Variants in ATP4A observed in about 807,000 individuals in gnomAD.
ATP4A encodes the protein ATPase H+/K+ transporting subunit alpha.
A neutral mutation model predicts 112.1 loss-of-function variants in ATP4A; 73 were observed. The observed-to-expected ratio is 0.65, with a 90% CI of 0.54 to 0.79. The LOEUF (loss-of-function observed/expected upper bound fraction) is 0.79, where lower values mean the gene tolerates loss of function less well. ATP4A is among the 30% of genes least tolerant of loss of function. ATP4A has a pLI of 0.00. For missense variants in ATP4A, 1,081 were observed against 1,425.9 expected (o/e 0.76, Z 3.90); for synonymous variants, 588 against 588.9 (o/e 1.00, Z 0.02).
rs2071641941 is a variant in ATP4A at position 35,557,958 on chromosome 19, G to T, written c.1501-111C>A. 1 of 883,020 alleles carries T rather than the reference G, an allele frequency of 1.1e-6. No individual in the cohort carries two copies. Among genetic ancestry groups the T allele is most frequent in the East Asian group, 2.8e-5 (1 of 35,974 alleles). 54.7% of individuals were successfully genotyped at this position (883,020 alleles called of 1,614,324 possible). A position where few individuals can be genotyped will look rare whatever the true frequency, so the allele number is the denominator to read the frequency against. On this transcript the variant is annotated intron_variant, in intron 10 of 21. Transcript: ENST00000262623. This position sits in a 1 kb window ranked among gnomAD's most constrained non-coding sequence, Gnocchi z 4.4. ...GGGCGGGGCCGAGAGCTCGGTGCGGGCTCTGAGAGCTGCGGGGAAGGGTGA... is the reference window on the plus strand; with the variant it reads ...GGGCGGGGCCGAGAGCTCGGTGCGGTCTCTGAGAGCTGCGGGGAAGGGTGA...
chr19:35,562,393 C>T (rs572433763), intron 4 of ATP4A, 42 bp downstream of exon 4: 14 of 1,590,414 alleles, frequency 8.8e-6, no homozygotes, highest in South Asian at 3.4e-5. Flanking sequence ...CTTCCATCCC[C>T]AGGTCCCCAT....
chr19:35,561,938 A>T (rs1033059988), intron 4 of ATP4A, among the ~76,000 whole-genome samples: 1 of 144,580 alleles, frequency 6.9e-6, no homozygotes, highest in Admixed American at 7.2e-5. Flanking sequence ...TCACTGCAAC[A>T]TCCACCTCCT....
At chr19:35,552,741 T>C (rs1692196691) in intron 18 of ATP4A, among the ~76,000 whole-genome samples, 1 of 152,134 alleles carries the variant, frequency 6.6e-6, no homozygotes, top group South Asian at 2.1e-4. Flanking sequence ...GCAAATACCC[T>C]GTGGGAGTGA....
rs1464974107 is a variant in ATP4A at position 35,557,619 on chromosome 19, G to A, written c.1693+36C>T. ...GCAGGGTCTGTGCTAGCTCCTCCTC[G>A]CACCTGGAGTCTCCTCCCCTGCCCA... is the stretch of plus-strand genomic sequence containing the variant. On this transcript the variant is annotated intron_variant, in intron 11 of 21. Transcript: ENST00000262623. This position sits in a 1 kb window ranked among gnomAD's most constrained non-coding sequence, Gnocchi z 4.4. The A allele has an allele frequency of 1.3e-6, 2 of 1,571,018 alleles. No homozygotes were observed. Among genetic ancestry groups the A allele is most frequent in the Admixed American group, 3.6e-5 (2 of 55,222 alleles).
chr19:35,560,539 A>C lies in ATP4A; in HGVS notation c.611T>G (p.Met204Arg). The change falls in exon 6 of 22, where the codon ATG (methionine) becomes AGG (arginine). Residue 204 changes from methionine (M) to arginine (R), a missense_variant. Physicochemically the swap from Met to Arg is moderately conservative, Grantham distance 91. Transcript: ENST00000262623. This position sits in a 1 kb window ranked among gnomAD's most constrained non-coding sequence, Gnocchi z 5.1. ...GGCGGGCACTCTGTCCCCACCTTTC[A>C]TCTCCACCAGGTCGCCCACCACCAG... ...DQLVVGDLVE[M>R]KGGDRVPADI... 1 of 1,613,046 alleles carries C rather than the reference A, an allele frequency of 6.2e-7. No individual in the cohort carries two copies. The highest frequency in any genetic ancestry group is 8.5e-7 in the Non-Finnish European group (1 of 1,179,922).
In ATP4A at chr19:35,560,846, G is replaced by A. The variant is rs1029164457; in HGVS notation, c.507C>T (p.Ile169=). The part of the protein sequence containing the change: ...YYQEFKSTNI[I]ASFKNLVPQQ... Reference sequence around the variant, plus strand: ...GTGGCACAAGGTTCTTAAAGCTGGCGATGATGTTGGTGCTCTTGAATTCCT... The same window carrying A: ...GTGGCACAAGGTTCTTAAAGCTGGCAATGATGTTGGTGCTCTTGAATTCCT... Residue 169 remains isoleucine (I), a synonymous_variant, in exon 5 of 22, where the codon ATC becomes ATT. Transcript: ENST00000262623. This position sits in a 1 kb window ranked among gnomAD's most constrained non-coding sequence, Gnocchi z 5.1. 4.3e-6 allele frequency: 7 copies of A among 1,613,930 alleles called. No individual in the cohort carries two copies. The highest frequency in any genetic ancestry group is 3.3e-5 in the Admixed American group (2 of 60,000).
Position 35,559,061 on chromosome 19 carries a change from C to G in ATP4A, c.1187G>C (p.Arg396Pro), listed in dbSNP as rs369356784. The G allele has an allele frequency of 6.2e-7, 1 of 1,614,206 alleles. No homozygotes were observed. Among genetic ancestry groups the G allele is most frequent in the Non-Finnish European group, 8.5e-7 (1 of 1,180,048 alleles). ...AAACCACAGATGGGACACAGTCATG[C>G]GGTTCTGAGTGAGAGTCCCTGTCTT... is the stretch of plus-strand genomic sequence containing the variant. Reference protein sequence around the residue: ...SDKTGTLTQNRMTVSHLWFDN... With the variant: ...SDKTGTLTQNPMTVSHLWFDN... The change falls in exon 8 of 22, where the codon CGC becomes CCC. Residue 396 changes from arginine (R) to proline (P), a missense_variant. Arg to Pro is a moderately radical substitution (Grantham distance 103). This residue lies in a region of ATP4A where 850 missense variants were observed against 1,068.2 expected (regional missense o/e 0.80). Coordinates refer to ENST00000262623, the MANE Select transcript of ATP4A (RefSeq NM_000704.3). The surrounding 1 kb of genome is among the most constrained non-coding windows in gnomAD (Gnocchi z 4.1).
rs373157021 is a variant in ATP4A at position 35,558,943 on chromosome 19, C to T, written c.1255+50G>A. 6 of 1,604,792 alleles carry T rather than the reference C, an allele frequency of 3.7e-6. No individual in the cohort carries two copies. Among genetic ancestry groups the T allele is most frequent in the African/African-American group, 2.7e-5 (2 of 74,794 alleles). On this transcript the variant is annotated intron_variant, in intron 8 of 21. Transcript: ENST00000262623. This position sits in a 1 kb window ranked among gnomAD's most constrained non-coding sequence, Gnocchi z 5.1. ...ACCTCCCTATCCCTCTTCAGGTCTCCACCATCCACCAGATCCTGCCCTGGC... is the reference window on the plus strand; with the variant it reads ...ACCTCCCTATCCCTCTTCAGGTCTCTACCATCCACCAGATCCTGCCCTGGC...
chr19:35,553,567 C>A, intron 17 of ATP4A, 139 bp downstream of exon 17: 1 of 1,278,164 alleles, frequency 7.8e-7, no homozygotes, highest in Non-Finnish European at 1.1e-6. Context: ...GAGAGGGACA[C>A]GGAGGACAAC....
Position 35,551,527 on chromosome 19 carries a change from G to A in ATP4A, c.2805C>T (p.Ile935=), listed in dbSNP as rs776219773. The A allele has an allele frequency of 4.3e-6, 7 of 1,613,938 alleles. No homozygotes were observed. In the Admixed American group the frequency reaches 1.2e-4, roughly 27 times the overall value. Residue 935 remains isoleucine, a synonymous_variant, in exon 19 of 22, where the codon ATC becomes ATT. Transcript: ENST00000262623. This position sits in a 1 kb window ranked among gnomAD's most constrained non-coding sequence, Gnocchi z 5.2. The part of the protein sequence containing the change: ...QQYTCYTVFF[I]SIEVCQIADV... ...CGGCGATCTGGCACACCTCAATGCT[G>A]ATGAAGAACACGGTGTAGCAGGTGT...
In ATP4A at chr19:35,559,193, T is replaced by C; in HGVS notation, c.1057-2A>G. 1 of 1,613,694 alleles carries C rather than the reference T, an allele frequency of 6.2e-7. No homozygotes were observed. The highest frequency in any genetic ancestry group is 1.3e-5 in the African/African-American group (1 of 75,056). On this transcript the variant is annotated splice_acceptor_variant, in intron 7 of 21. Transcript: ENST00000262623. LOFTEE classifies it high-confidence loss of function. The surrounding 1 kb of genome is among the most constrained non-coding windows in gnomAD (Gnocchi z 4.1). ...CTTGGCTGTCAGGGACAGGCAGACCTGGGGAAGGGGTGAGCACCGCAGGCT... is the reference window on the plus strand; with the variant it reads ...CTTGGCTGTCAGGGACAGGCAGACCCGGGGAAGGGGTGAGCACCGCAGGCT...
Position 35,560,322 on chromosome 19 carries a change from AG to A in ATP4A, c.787+40del. 6.2e-7 allele frequency: 1 copy of A among 1,608,650 alleles called. No homozygotes were observed. Among genetic ancestry groups the A allele is most frequent in the Non-Finnish European group, 8.5e-7 (1 of 1,176,892 alleles). Reference sequence around the variant, plus strand: ...AAGATAGCAGGAGAGAGGCCAGTGGAGGCAGCAGTTACTGGGCAGGCAGGCG... The same window carrying A: ...AAGATAGCAGGAGAGAGGCCAGTGGAGCAGCAGTTACTGGGCAGGCAGGCG... On this transcript the variant is annotated intron_variant, in intron 6 of 21. Transcript: ENST00000262623. The surrounding 1 kb of genome is among the most constrained non-coding windows in gnomAD (Gnocchi z 5.1).
chr19:35,558,986 C>T lies in ATP4A; in HGVS notation c.1255+7G>A. ...GCCCTGGCGCCTGTGCCCTCCCTCC[C>T]CCACACCTGACTGGTCTTCCGTGGT... On this transcript the variant is annotated splice_region_variant and intron_variant, in intron 8 of 21. Coordinates refer to ENST00000262623, the MANE Select transcript of ATP4A (RefSeq NM_000704.3). This position sits in a 1 kb window ranked among gnomAD's most constrained non-coding sequence, Gnocchi z 5.1. 1 of 1,614,098 alleles carries T rather than the reference C, an allele frequency of 6.2e-7. No individual in the cohort carries two copies. Among genetic ancestry groups the T allele is most frequent in the Non-Finnish European group, 8.5e-7 (1 of 1,179,960 alleles).
intron 17 of ATP4A, 134 bp downstream of exon 17, chr19:35,553,572 G>A: frequency 7.6e-7 from 1 of 1,317,940 alleles, no homozygotes; most frequent in East Asian, 2.5e-5. Context: ...GGACACGGAG[G>A]ACAACGGAGA....
Position 35,555,278 on chromosome 19 carries a change from C to T in ATP4A, c.2214G>A (p.Lys738=). 1 of 1,614,210 alleles carries T rather than the reference C, an allele frequency of 6.2e-7. No individual in the cohort carries two copies. The stretch of plus-strand genomic sequence containing the variant: ...TGCCCATGGCTACTCCGATGTCTGC[C>T]TTCTTCAGAGCTGGGGAGTCATTCA... ...DGVNDSPALK[K]ADIGVAMGIA... is the part of the protein sequence containing the mutation. The change falls in exon 15 of 22, where the codon AAG becomes AAA. Residue 738 remains lysine, a synonymous_variant. Transcript: ENST00000262623. The surrounding 1 kb of genome is among the most constrained non-coding windows in gnomAD (Gnocchi z 6.6).
In ATP4A at chr19:35,558,767, T is replaced by C. The variant is rs900000168; in HGVS notation, c.1256-81A>G. 1 of 1,424,326 alleles carries C rather than the reference T, an allele frequency of 7.0e-7. No individual in the cohort carries two copies. The highest frequency in any genetic ancestry group is 1.4e-5 in the African/African-American group (1 of 70,380). The allele number at this position is 1,424,326 out of a possible 1,614,324, so 88.2% of individuals were successfully genotyped here. ...CGAGCCCCCTCCTCCTAGGCTCATATCGCGGGCCCCCTCCCCAGACCTGGG... is the reference window on the plus strand; with the variant it reads ...CGAGCCCCCTCCTCCTAGGCTCATACCGCGGGCCCCCTCCCCAGACCTGGG... On this transcript the variant is annotated intron_variant, in intron 8 of 21. Transcript: ENST00000262623. The surrounding 1 kb of genome is among the most constrained non-coding windows in gnomAD (Gnocchi z 5.1).
intron 4 of ATP4A, among the ~76,000 whole-genome samples, chr19:35,561,898 C>G (rs1000301004): frequency 6.8e-6 from 1 of 147,118 alleles, no homozygotes; most frequent in Non-Finnish European, 1.5e-5. Context: ...CTCTGTCGCC[C>G]AGGCTGGAGT....
rs2071602984 is a variant in ATP4A, at chr19:35,551,666, C to T, written c.2752-86G>A. The T allele has an allele frequency of 1.3e-6, 2 of 1,530,862 alleles. No individual in the cohort carries two copies. Among genetic ancestry groups the T allele is most frequent in the South Asian group, 1.2e-5 (1 of 83,442 alleles). The allele number at this position is 1,530,862 out of a possible 1,614,324, so 94.8% of individuals were successfully genotyped here. ...CTGCAGCCCACCGGGCATAGGGTCCCAGGGCCGTGAACCCCTAAATGCTCT... is the reference window on the plus strand; with the variant it reads ...CTGCAGCCCACCGGGCATAGGGTCCTAGGGCCGTGAACCCCTAAATGCTCT... On this transcript the variant is annotated intron_variant, in intron 18 of 21. Transcript: ENST00000262623. The surrounding 1 kb of genome is among the most constrained non-coding windows in gnomAD (Gnocchi z 5.2).
Position 35,560,735 on chromosome 19 carries a change from A to G in ATP4A, c.534+84T>C. 6.3e-7 allele frequency: 1 copy of G among 1,575,418 alleles called. No individual in the cohort carries two copies. The highest frequency in any genetic ancestry group is 8.7e-7 in the Non-Finnish European group (1 of 1,145,990). On this transcript the variant is annotated intron_variant, in intron 5 of 21. Transcript: ENST00000262623. The surrounding 1 kb of genome is among the most constrained non-coding windows in gnomAD (Gnocchi z 5.1). Reference sequence around the variant, plus strand: ...TGGGGAGAGATGGAGGCCACAGATGAGGGACAGGGGCCTGATGGAAGGAGG... The same window carrying G: ...TGGGGAGAGATGGAGGCCACAGATGGGGGACAGGGGCCTGATGGAAGGAGG...
Sources: gnomAD v4.1 joint callset for allele counts (sites outside exome capture counted in the v4.1 genomes callset) on GRCh38, gnomAD v4.1.1 for gene constraint, gnomAD v4.1.1 regional missense constraint, Gnocchi (gnomAD v3.1) non-coding constraint, MANE v1.5 for transcripts, NCBI Gene and HGNC (gene_info 2026-07-23, HGNC 2026-07-21) for gene names.